Variants in ACTN2 observed in about 807,000 individuals in gnomAD.
ACTN2 encodes the protein alpha-actinin-2.
Under a neutral mutation model 113.8 loss-of-function variants are expected in ACTN2, and 39 were observed. The ratio of observed to expected loss-of-function variants is 0.34; its 90% CI spans 0.27 to 0.45. The LOEUF (loss-of-function observed/expected upper bound fraction) is 0.45, where lower values mean the gene tolerates loss of function less well. ACTN2 is among the 20% of genes least tolerant of loss of function. ACTN2 has a pLI of 1.00. For synonymous variants in ACTN2, 429 were observed against 444.1 expected (o/e 0.97, Z 0.43); for missense variants, 992 against 1,177.9 (o/e 0.84, Z 2.31).
At chr1:236,724,535 A>G (rs1658491719) in intron 4 of ACTN2, among the ~76,000 whole-genome samples, 1 of 152,164 alleles carries the variant, frequency 6.6e-6, no homozygotes, top group African/African-American at 2.4e-5. Flanking sequence ...AGGCTTGGGG[A>G]AGAAGGTCTC....
chr1:236,740,578 G>A (rs903023398), intron 10 of ACTN2, among the ~76,000 whole-genome samples: 2 of 151,544 alleles, frequency 1.3e-5, no homozygotes, highest in African/African-American at 4.9e-5. Flanking sequence ...TGTTGCCCAG[G>A]CTGGAGTGCA....
intron 9 of ACTN2, among the ~76,000 whole-genome samples, 178 bp from the exon 10 acceptor site, chr1:236,739,124 C>T (rs533400439): frequency 1.1e-4 from 17 of 151,990 alleles, no homozygotes; most frequent in Non-Finnish European, 2.1e-4. Context: ...GGTGATCACT[C>T]GCGGCCATGG....
chr1:236,712,491 A>G (rs923761343), intron 1 of ACTN2, among the ~76,000 whole-genome samples: 13 of 152,162 alleles, frequency 8.5e-5, no homozygotes, highest in Non-Finnish European at 1.3e-4. Flanking sequence ...GAACAAGTGG[A>G]TAATTACCTA....
intron 6 of ACTN2, 116 bp from the exon 7 acceptor site, chr1:236,731,117 T>C: frequency 2.7e-6 from 2 of 744,178 alleles, no homozygotes; most frequent in Non-Finnish European, 4.8e-6. Flanking sequence ...TACACTATTA[T>C]GATTGTGTGT....
Position 236,705,752 on chromosome 1 carries a change from G to C in ACTN2, c.127-12106G>C, listed in dbSNP as rs113892183. Among the ~76,000 whole-genome samples, 379 of 152,310 alleles carry C rather than the reference G, an allele frequency of 2.5e-3. 1 individual carries two copies. Among genetic ancestry groups the C allele is most frequent in the African/African-American group, 8.6e-3 (358 of 41,554 alleles). On this transcript the variant is annotated intron_variant, in intron 1 of 20. Transcript: ENST00000366578. ...TTCCATCCTTTCTGGAAGTTATGGG[G>C]GTGATTCCATATATCGGAGAGGTCA...
chr1:236,755,841 T>G lies in ACTN2; in HGVS notation c.2154+643T>G, dbSNP rs75072480. ...TGGTAATAGAGTATATACTGCAGAG[T>G]GCCCGCTGCCACTGTTAGAACCGTG... is the stretch of plus-strand genomic sequence containing the variant. On this transcript the variant is annotated intron_variant, in intron 17 of 20. Coordinates refer to ENST00000366578, the MANE Select transcript of ACTN2 (RefSeq NM_001103.4). 1.8e-3 allele frequency among the ~76,000 whole-genome samples: 54 copies of G among 30,186 alleles called. 2 individuals are homozygous for G. The highest frequency in any genetic ancestry group is 0.01 in the Middle Eastern group (1 of 100). 19.8% of individuals were successfully genotyped at this position (30,186 alleles called of 152,430 possible). A position where few individuals can be genotyped will look rare whatever the true frequency, so the allele number is the denominator to read the frequency against.
intron 17 of ACTN2, 78 bp downstream of exon 17, chr1:236,755,276 A>G (rs1381699929): frequency 6.5e-7 from 1 of 1,536,860 alleles, no homozygotes. Context: ...TTCTTCATGC[A>G]CTTGTCTTTC....
At chr1:236,735,543 C>G in intron 7 of ACTN2, 92 bp from the exon 8 acceptor site, 7 of 1,178,506 alleles carry the variant, frequency 5.9e-6, no homozygotes, top group Non-Finnish European at 8.9e-6. Context: ...CCAATTTGTT[C>G]TTCCCTCTGT....
rs1395445136 is a variant in ACTN2 at position 236,762,530 on chromosome 1, A to C, written c.2596A>C (p.Met866Leu). 1 of 1,614,132 alleles carries C rather than the reference A, an allele frequency of 6.2e-7. No homozygotes were observed. The highest frequency in any genetic ancestry group is 1.1e-5 in the South Asian group (1 of 91,074). ...TCAGGCCCAGTACTGCATCAAGAGG[A>C]TGCCCGCCTACTCGGGCCCAGGCAG... ...PDQAQYCIKR[M>L]PAYSGPGSVP... is the part of the protein sequence containing the mutation. The change falls in exon 21 of 21, where the codon ATG becomes CTG. Residue 866 changes from methionine (M) to leucine (L), a missense_variant. Physicochemically the swap from Met to Leu is conservative, Grantham distance 15 (BLOSUM62 2). Transcript: ENST00000366578.
intron 2 of ACTN2, 27 bp downstream of exon 2, chr1:236,717,999 CT>C (rs774303901): frequency 6.5e-7 from 1 of 1,534,434 alleles, no homozygotes; most frequent in East Asian, 2.3e-5. Flanking sequence ...CCATCCTATG[CT>C]TTCATGTGTT....
At chr1:236,752,077 AAAACGACATCTTGGG>A (rs1405919445) in intron 15 of ACTN2, among the ~76,000 whole-genome samples, 3 of 152,240 alleles carry the variant, frequency 2.0e-5, no homozygotes, top group Admixed American at 1.3e-4. Flanking sequence ...AATTGCTTAG[AAAACGACATCTTGGG>A]AATGAAAGTA....
intron 1 of ACTN2, among the ~76,000 whole-genome samples, chr1:236,715,647 G>T (rs1316553403): frequency 2.0e-5 from 3 of 152,026 alleles, no homozygotes; most frequent in African/African-American, 7.2e-5. Context: ...ACACTGATTG[G>T]GTATAGATCT....
At position 236,757,464 on chromosome 1, in the gene ACTN2, CT is replaced by C. The variant is rs1264954823; in HGVS notation, c.2155-19del. ...CATGCTGGAGAGACTTAGAACTGATCTTTCCCCTTTTCCCTCAATAGCACAT... is the reference window on the plus strand; with the variant it reads ...CATGCTGGAGAGACTTAGAACTGATCTTCCCCTTTTCCCTCAATAGCACAT... On this transcript the variant is annotated intron_variant, in intron 17 of 20. Transcript: ENST00000366578. 4 of 1,613,956 alleles carry C rather than the reference CT, an allele frequency of 2.5e-6. No homozygotes were observed. In the African/African-American group the frequency reaches 5.3e-5, roughly 22 times the overall value.
At chr1:236,743,853 G>A (rs547410471) in intron 11 of ACTN2, among the ~76,000 whole-genome samples, 1 of 152,180 alleles carries the variant, frequency 6.6e-6, no homozygotes, top group Non-Finnish European at 1.5e-5. Context: ...TGTCCTCTTC[G>A]AAATGGGAAT....
At chr1:236,720,325 A>G in intron 4 of ACTN2, 134 bp downstream of exon 4, 1 of 747,586 alleles carries the variant, frequency 1.3e-6, no homozygotes. Context: ...GGTTCTTATA[A>G]ATTTTGTATG....
Position 236,686,526 on chromosome 1 carries a change from C to A in ACTN2, c.-148C>A, listed in dbSNP as rs1025690790. ...AGCTGGTGCTTCGCCCGAGACCCAG[C>A]GCCCAGGCGTGTCGCCCCGAGAGGA... On this transcript the variant is annotated 5_prime_UTR_variant, in exon 1 of 21. Coordinates refer to ENST00000366578, the MANE Select transcript of ACTN2 (RefSeq NM_001103.4). The A allele has an allele frequency of 4.4e-6, 4 of 898,878 alleles. No homozygotes were observed. The highest frequency in any genetic ancestry group is 5.8e-6 in the Non-Finnish European group (4 of 684,268). The allele number at this position is 898,878 out of a possible 1,614,324, so 55.7% of individuals were successfully genotyped here. A position where few individuals can be genotyped will look rare whatever the true frequency, so the allele number is the denominator to read the frequency against.
intron 15 of ACTN2, among the ~76,000 whole-genome samples, chr1:236,752,546 C>T (rs898338531): frequency 1.3e-5 from 2 of 151,820 alleles, no homozygotes; most frequent in African/African-American, 2.4e-5. Flanking sequence ...TTTTATTTTT[C>T]GTTTTTATTA....
Position 236,720,147 on chromosome 1 carries a change from G to A in ACTN2, c.404G>A (p.Trp135Ter), listed in dbSNP as rs1658341355. The stretch of plus-strand genomic sequence containing the variant: ...GTGAAAATGACCCTGGGTATGATCT[G>A]GACCATCATCCTTCGCTTTGCTATT... ...GNVKMTLGMI[W>*]TIILRFAIQD... The change falls in exon 4 of 21, where the codon TGG becomes TAG. Residue 135 changes from tryptophan to a stop codon, truncating the protein, a stop_gained. Coordinates refer to ENST00000366578, the MANE Select transcript of ACTN2 (RefSeq NM_001103.4). LOFTEE classifies it high-confidence loss of function. 1 of 1,613,810 alleles carries A rather than the reference G, an allele frequency of 6.2e-7. No homozygotes were observed.
In ACTN2 at chr1:236,741,934, G is replaced by C. The variant is rs115037597; in HGVS notation, c.1108-962G>C. ...GCTTGCCAAACGCATCTCTCCCTCT[G>C]CCCTGAGGCACTCCACCGCTGCCAC... On this transcript the variant is annotated intron_variant, in intron 10 of 20. Transcript: ENST00000366578. Among the ~76,000 whole-genome samples, 381 of 152,168 alleles carry C rather than the reference G, an allele frequency of 2.5e-3. 2 individuals are homozygous for C. The highest frequency in any genetic ancestry group is 8.6e-3 in the African/African-American group (359 of 41,522).
Sources: allele counts gnomAD v4.1 joint callset (sites outside exome capture counted in the v4.1 genomes callset), GRCh38; gene constraint gnomAD v4.1.1; transcripts MANE v1.5; gene names NCBI Gene and HGNC (gene_info 2026-07-23, HGNC 2026-07-21).